Variants in CIP2A observed in about 807,000 individuals in gnomAD.
CIP2A encodes protein CIP2A.
A neutral mutation model predicts 110.9 loss-of-function variants in CIP2A; 103 were observed. That is an observed-to-expected ratio of 0.93 (90% confidence interval 0.79 to 1.09). The LOEUF is 1.09. Ranked by LOEUF, CIP2A falls within the 50% of genes least tolerant of loss-of-function variation. The pLI is 0.00. For synonymous variants in CIP2A, 381 were observed against 361.6 expected, an observed-to-expected ratio of 1.05 and a Z score of -0.61; for missense variants, 1,088 against 1,038.4, an observed-to-expected ratio of 1.05 and a Z score of -0.66.
intron 18 of CIP2A, 122 bp from the exon 19 acceptor site, chr3:108,553,852 A>C: frequency 3.0e-6 from 1 of 338,332 alleles, no homozygotes; most frequent in South Asian, 4.3e-5. Context: ...GGAGATCGAG[A>C]CCATCCTGGC....
In CIP2A at chr3:108,557,307, A is replaced by G. The variant is rs1937842194; in HGVS notation, c.2121T>C (p.Ile707=). The stretch of plus-strand genomic sequence containing the variant: ...TCCTATTATGTTGAAAGAGATGCTC[A>G]ATATCACTCTGCGCTCTTTCTGATT... ...QVESERAQSD[I]EHLFQHNRKL... is the part of the protein sequence containing the mutation. Residue 707 remains isoleucine, a synonymous_variant, in exon 17 of 21, where the codon ATT becomes ATC. Transcript: ENST00000295746. 6.2e-7 allele frequency: 1 copy of G among 1,612,282 alleles called. No homozygotes were observed.
chr3:108,564,235 A>G (rs1032501663), intron 12 of CIP2A, among the ~76,000 whole-genome samples: 4 of 151,888 alleles, frequency 2.6e-5, no homozygotes, highest in African/African-American at 9.7e-5. Context: ...AGAGAGGTGA[A>G]ATAACTTACT....
Position 108,575,877 on chromosome 3 carries a change from CAT to C in CIP2A, c.894+392_894+393del, listed in dbSNP as rs1269755456. ...ATGTGTATATACACGTATATATACT[CAT>C]ATACATGTGTATGAGTATATATACA... On this transcript the variant is annotated intron_variant, in intron 8 of 20. Coordinates refer to ENST00000295746, the MANE Select transcript of CIP2A (RefSeq NM_020890.3). Among the ~76,000 whole-genome samples the C allele has an allele frequency of 2.3e-5, 2 of 85,768 alleles. 1 individual carries two copies. The highest frequency in any genetic ancestry group is 6.9e-5 in the African/African-American group (2 of 29,064). The allele number at this position is 85,768 out of a possible 152,430, so 56.3% of individuals were successfully genotyped here. A position where few individuals can be genotyped will look rare whatever the true frequency, so the allele number is the denominator to read the frequency against.
rs1251912190 is a variant in CIP2A, at chr3:108,576,132, A to T, written c.894+139T>A. 2.4e-5 allele frequency: 13 copies of T among 535,718 alleles called. 1 individual carries two copies. Among genetic ancestry groups the T allele is most frequent in the Non-Finnish European group, 4.0e-5 (12 of 301,674 alleles). The allele number at this position is 535,718 out of a possible 1,614,324, so 33.2% of individuals were successfully genotyped here. On this transcript the variant is annotated intron_variant, in intron 8 of 20. Transcript: ENST00000295746. ...TAACATTCTACATCCTGATCTAGACACTGGCTACATAATTGTGTCCCTATT... is the reference window on the plus strand; with the variant it reads ...TAACATTCTACATCCTGATCTAGACTCTGGCTACATAATTGTGTCCCTATT...
intron 10 of CIP2A, 21 bp downstream of exon 10, chr3:108,568,134 G>A (rs368106582): frequency 6.0e-5 from 95 of 1,596,118 alleles, no homozygotes; most frequent in Non-Finnish European, 7.9e-5. Context: ...CAGTTTTCAC[G>A]TTAATGACAG....
intron 1 of CIP2A, 114 bp from the exon 2 acceptor site, chr3:108,585,326 A>G: frequency 1.1e-6 from 1 of 929,486 alleles, no homozygotes; most frequent in East Asian, 2.7e-5. Context: ...TCCCAATTTA[A>G]AAAATTCACA....
At chr3:108,555,360 T>C (rs1473185777) in intron 17 of CIP2A, among the ~76,000 whole-genome samples, 2 of 152,198 alleles carry the variant, frequency 1.3e-5, no homozygotes, top group Admixed American at 6.5e-5. Context: ...GGGACCTAGA[T>C]AGCCCTAGAA....
At chr3:108,555,392 C>A (rs1937760276) in intron 17 of CIP2A, among the ~76,000 whole-genome samples, 1 of 152,086 alleles carries the variant, frequency 6.6e-6, no homozygotes, top group African/African-American at 2.4e-5. Context: ...ACTTGTTAAA[C>A]AGGAAGGTAA....
At chr3:108,552,492 C>A in intron 19 of CIP2A, 119 bp from the exon 20 acceptor site, 1 of 534,630 alleles carries the variant, frequency 1.9e-6, no homozygotes, top group South Asian at 3.8e-5. Flanking sequence ...AGAGAAACTT[C>A]TCTTATGACA....
chr3:108,581,642 A>C (rs1453370202), intron 4 of CIP2A, 131 bp from the exon 5 acceptor site: 12 of 597,948 alleles, frequency 2.0e-5, no homozygotes, highest in South Asian at 8.8e-5. Context: ...AAAAAAAAAA[A>C]CTAATTAACA....
intron 11 of CIP2A, among the ~76,000 whole-genome samples, chr3:108,565,844 T>C (rs1167152155): frequency 6.6e-6 from 1 of 151,784 alleles, no homozygotes; most frequent in Admixed American, 6.6e-5. Context: ...TAGGTCATGT[T>C]CTGAGTTTTG....
At chr3:108,585,636 T>C in intron 1 of CIP2A, 1 of 454,670 alleles carries the variant, frequency 2.2e-6, no homozygotes, top group South Asian at 1.6e-5. Flanking sequence ...ATATTTACTA[T>C]GCAAATAAAT....
intron 2 of CIP2A, among the ~76,000 whole-genome samples, chr3:108,583,398 G>A (rs931042477): frequency 2.0e-5 from 3 of 152,100 alleles, no homozygotes; most frequent in South Asian, 2.1e-4. Context: ...TTTACACAAT[G>A]GAATACTATT....
In CIP2A at chr3:108,568,201, T is replaced by C; in HGVS notation, c.1227A>G (p.Thr409=). The C allele has an allele frequency of 6.2e-7, 1 of 1,612,330 alleles. No homozygotes were observed. Residue 409 remains threonine, a synonymous_variant, in exon 10 of 21, where the codon ACA becomes ACG. Transcript: ENST00000295746. ...FTEQNLDEAL[T]RKKCERIAKA... Reference sequence around the variant, plus strand: ...TGGCAATCCTTTCACATTTTTTTCTTGTTAAAGCCTCATCTAGATTTTGTT... The same window carrying C: ...TGGCAATCCTTTCACATTTTTTTCTCGTTAAAGCCTCATCTAGATTTTGTT...
chr3:108,558,277 A>G (rs183184991), intron 16 of CIP2A, among the ~76,000 whole-genome samples: 1 of 152,276 alleles, frequency 6.6e-6, no homozygotes, highest in Non-Finnish European at 1.5e-5. Context: ...TGGGGGAAAA[A>G]AAGAATACCA....
At chr3:108,560,609 C>T (rs752463400) in intron 14 of CIP2A, 40 bp downstream of exon 14, 2 of 1,256,638 alleles carry the variant, frequency 1.6e-6, no homozygotes, top group East Asian at 2.4e-5. Flanking sequence ...TGACATATAG[C>T]TAATATGTAC....
At chr3:108,572,755 T>C (rs1389440218) in intron 8 of CIP2A, among the ~76,000 whole-genome samples, 2 of 152,110 alleles carry the variant, frequency 1.3e-5, no homozygotes, top group Non-Finnish European at 2.9e-5. Flanking sequence ...TCACGTCATC[T>C]GAATAGTGAG....
intron 1 of CIP2A, among the ~76,000 whole-genome samples, chr3:108,588,776 C>G (rs1249813949): frequency 6.6e-6 from 1 of 152,166 alleles, no homozygotes; most frequent in African/African-American, 2.4e-5. Context: ...AAAAGGATTA[C>G]GCTTACTAGG....
chr3:108,580,612 A>T (rs1422304758), intron 5 of CIP2A, among the ~76,000 whole-genome samples: 1 of 151,754 alleles, frequency 6.6e-6, no homozygotes, highest in South Asian at 2.1e-4. Flanking sequence ...AGAATCAGTG[A>T]CTTGCTTGAT....
Sources: gnomAD v4.1 joint callset for allele counts (sites outside exome capture counted in the v4.1 genomes callset) on GRCh38, gnomAD v4.1.1 for gene constraint, MANE v1.5 for transcripts, NCBI Gene and HGNC (gene_info 2026-07-23, HGNC 2026-07-21) for gene names.